CDK12: variants seen among roughly 807,000 people sequenced by gnomAD.
The protein encoded by CDK12 is cyclin dependent kinase 12, also known as cyclin-dependent kinase 12.
CDK12 carries 17 observed loss-of-function variants against 133.8 expected under a neutral mutation model. The ratio of observed to expected loss-of-function variants is 0.13; its 90% CI spans 0.09 to 0.19. The LOEUF (loss-of-function observed/expected upper bound fraction) is 0.19. Ranked by LOEUF, CDK12 falls within the 10% of genes least tolerant of loss-of-function variation. The pLI is 1.00. For missense variants in CDK12, 1,508 were observed against 1,818.7 expected, an observed-to-expected ratio of 0.83 and a Z score of 3.11; for synonymous variants, 694 against 683.6, an observed-to-expected ratio of 1.02 and a Z score of -0.24.
At chr17:39,542,507 TTTTTC>T (rs1170189132) in intron 1 of CDK12, among the ~76,000 whole-genome samples, 1 of 144,206 alleles carries the variant, frequency 6.9e-6, no homozygotes, top group Non-Finnish European at 1.5e-5. Flanking sequence ...TTTCTTTTTC[TTTTTC>T]TTTTCTTTTT....
downstream of CDK12, among the ~76,000 whole-genome samples, chr17:39,538,825 G>T (rs973209779): frequency 1.3e-5 from 2 of 152,152 alleles, no homozygotes; most frequent in African/African-American, 4.8e-5. Flanking sequence ...CTTGAACCCA[G>T]GAGGTGGAGG....
Position 39,559,497 on chromosome 17 carries a change from CT to C in CDK12, n.484+3085del, listed in dbSNP as rs377042477. 4.8e-3 allele frequency among the ~76,000 whole-genome samples: 730 copies of C among 152,326 alleles called. 11 individuals carry two copies. Among genetic ancestry groups the C allele is most frequent in the African/African-American group, 0.016 (673 of 41,562 alleles). ...TCACACCTCCTTCCCTCTCACCCAC[CT>C]CATCCCCTCCTTAACCCTTGACACC... On this transcript the variant is annotated intron_variant and non_coding_transcript_variant, in intron 3 of 3. Transcript: ENST00000558240.
chr17:39,533,725 C>T lies in CDK12; in HGVS notation c.*2409C>T. 4.3e-6 allele frequency: 1 copy of T among 232,890 alleles called. No homozygotes were observed. 14.4% of individuals were successfully genotyped at this position (232,890 alleles called of 1,614,324 possible). A position where few individuals can be genotyped will look rare whatever the true frequency, so the allele number is the denominator to read the frequency against. On this transcript the variant is annotated 3_prime_UTR_variant, in exon 14 of 14. Coordinates refer to ENST00000447079, the MANE Select transcript of CDK12 (RefSeq NM_016507.4). ...TGTATGTATGATCCCATCTCACCCC[C>T]ACCCCCATTTTGGGAGTCTTTTAAA... is the stretch of plus-strand genomic sequence containing the variant.
intron 13 of CDK12, among the ~76,000 whole-genome samples, chr17:39,527,436 A>G (rs1217404185): frequency 1.3e-5 from 2 of 152,266 alleles, no homozygotes; most frequent in Non-Finnish European, 2.9e-5. Context: ...GGCAGACTGT[A>G]TAAACCAGAG....
intron 11 of CDK12, among the ~76,000 whole-genome samples, chr17:39,523,010 G>A (rs2054277209): frequency 6.6e-6 from 1 of 151,758 alleles, no homozygotes; most frequent in Non-Finnish European, 1.5e-5. Context: ...CCGAGATTGT[G>A]CCAGTGCATT....
At chr17:39,501,195 TATTTCAGC>T in intron 5 of CDK12, 47 bp from the exon 6 acceptor site, 2 of 1,295,264 alleles carry the variant, frequency 1.5e-6, no homozygotes, top group Non-Finnish European at 2.1e-6. Flanking sequence ...GAGGCATTGT[TATTTCAGC>T]ATTCTTTTTT....
chr17:39,519,602 T>TA (rs1305921330), intron 10 of CDK12, among the ~76,000 whole-genome samples: 4 of 149,636 alleles, frequency 2.7e-5, no homozygotes, highest in South Asian at 4.2e-4. Flanking sequence ...TTTTTTTTTT[T>TA]AAAAAGAGAT....
chr17:39,461,827 C>G lies in CDK12; in HGVS notation c.-245C>G. 3.6e-6 allele frequency: 2 copies of G among 553,474 alleles called. No homozygotes were observed. The highest frequency in any genetic ancestry group is 3.1e-5 in the Admixed American group (1 of 32,054). The allele number at this position is 553,474 out of a possible 1,614,324, so 34.3% of individuals were successfully genotyped here. On this transcript the variant is annotated 5_prime_UTR_variant, in exon 1 of 14. Transcript: ENST00000447079. ...GAGGAAACAGACTTGAGCAGCTCCC[C>G]GTTGTCTCGCAACTCCACTGCCGAG...
At chr17:39,465,586 A>G (rs535528785) in intron 1 of CDK12, among the ~76,000 whole-genome samples, 2 of 151,908 alleles carry the variant, frequency 1.3e-5, no homozygotes, top group African/African-American at 4.8e-5. Context: ...TCTCGGGTTC[A>G]AGCTATTCTC....
chr17:39,529,443 C>CTA (rs1035048064), intron 13 of CDK12, among the ~76,000 whole-genome samples: 2 of 152,030 alleles, frequency 1.3e-5, no homozygotes, highest in Non-Finnish European at 2.9e-5. Flanking sequence ...TGAAGAATGA[C>CTA]TATATATATA....
At chr17:39,551,470 T>A (rs1274904982) in intron 2 of CDK12, among the ~76,000 whole-genome samples, 1 of 152,010 alleles carries the variant, frequency 6.6e-6, no homozygotes, top group Non-Finnish European at 1.5e-5. Flanking sequence ...AATCCCCCAA[T>A]CAAGACTAAA....
chr17:39,510,185 T>A (rs1345895670), intron 7 of CDK12, among the ~76,000 whole-genome samples: 1 of 149,008 alleles, frequency 6.7e-6, no homozygotes, highest in East Asian at 2.0e-4. Context: ...AGTGGCGTGA[T>A]CTCGGCTCAC....
chr17:39,472,805 G>A (rs1375861119), intron 2 of CDK12, among the ~76,000 whole-genome samples: 1 of 152,116 alleles, frequency 6.6e-6, no homozygotes, highest in Non-Finnish European at 1.5e-5. Context: ...GCCAGGCGCG[G>A]TGGCTCACGC....
rs2049755173 is a variant in CDK12 at position 39,471,074 on chromosome 17, G to A, written c.1242G>A (p.Lys414=). ...GAGCAGCTGCTGCTGCTGCAGCAAA[G>A]ATGGATGGAAAGGAGTCCAAGGGTT... ...KERAAAAAAA[K]MDGKESKGSP... is the part of the protein sequence containing the mutation. The change falls in exon 2 of 14, where the codon AAG becomes AAA. Residue 414 remains lysine, a synonymous_variant. Coordinates refer to ENST00000447079, the MANE Select transcript of CDK12 (RefSeq NM_016507.4). 1.2e-6 allele frequency: 2 copies of A among 1,613,856 alleles called. No individual in the cohort carries two copies. The highest frequency in any genetic ancestry group is 1.7e-6 in the Non-Finnish European group (2 of 1,179,864).
At chr17:39,536,296 T>C (rs1185635872), downstream of CDK12, among the ~76,000 whole-genome samples, 1 of 152,228 alleles carries the variant, frequency 6.6e-6, no homozygotes, top group Non-Finnish European at 1.5e-5. Flanking sequence ...GTTACTGCTA[T>C]TTCATTGTTT....
Position 39,463,128 on chromosome 17 carries a change from T to G in CDK12, c.1046+11T>G. 2 of 1,609,342 alleles carry G rather than the reference T, an allele frequency of 1.2e-6. No individual in the cohort carries two copies. Among genetic ancestry groups the G allele is most frequent in the Non-Finnish European group, 1.7e-6 (2 of 1,176,964 alleles). ...GAGTCCACTCCCCAGGTGAGCTATT[T>G]GTCTAACAGTCCTTCCTCATTTAGG... is the stretch of plus-strand genomic sequence containing the variant. On this transcript the variant is annotated intron_variant, in intron 1 of 13. Coordinates refer to ENST00000447079, the MANE Select transcript of CDK12 (RefSeq NM_016507.4).
At chr17:39,529,296 A>G (rs989374352) in intron 13 of CDK12, among the ~76,000 whole-genome samples, 1 of 152,202 alleles carries the variant, frequency 6.6e-6, no homozygotes, top group Admixed American at 6.5e-5. Flanking sequence ...TCTGCATGCT[A>G]AGGGAATACA....
chr17:39,514,752 G>A (rs1387492708), intron 8 of CDK12, among the ~76,000 whole-genome samples: 2 of 152,090 alleles, frequency 1.3e-5, no homozygotes, highest in African/African-American at 4.8e-5. Context: ...TTTTATTGAA[G>A]TATAAAATAA....
At chr17:39,530,078 A>T (rs2054735493) in intron 13 of CDK12, 1 of 152,256 alleles carries the variant, frequency 6.6e-6, no homozygotes, top group Non-Finnish European at 1.5e-5. Flanking sequence ...TTTTTACTTT[A>T]TTTTATCTCT....
Sources: allele counts gnomAD v4.1 joint callset (sites outside exome capture counted in the v4.1 genomes callset), GRCh38; gene constraint gnomAD v4.1.1; transcripts MANE v1.5; gene names NCBI Gene and HGNC (gene_info 2026-07-23, HGNC 2026-07-21).